RGS22: variants seen among roughly 807,000 people sequenced by gnomAD.
The protein encoded by RGS22 is regulator of G protein signaling 22.
RGS22 carries 148 observed loss-of-function variants against 172.9 expected under a neutral mutation model. The observed-to-expected ratio is 0.86, with a 90% CI of 0.75 to 0.98. The LOEUF (loss-of-function observed/expected upper bound fraction) is 0.98, where lower values mean the gene tolerates loss of function less well. Ranked by LOEUF, RGS22 falls within the 50% of genes least tolerant of loss-of-function variation. The probability of loss-of-function intolerance (pLI) is 0.00; values close to 1 mark genes in which losing one functional copy is unlikely to be tolerated. For synonymous variants in RGS22, 458 were observed against 480.2 expected, an observed-to-expected ratio of 0.95 and a Z score of 0.60; for missense variants, 1,347 against 1,440.8, an observed-to-expected ratio of 0.93 and a Z score of 1.05.
intron 10 of RGS22, among the ~76,000 whole-genome samples, chr8:100,051,800 T>C (rs1163335905): frequency 2.2e-5 from 1 of 45,536 alleles, no homozygotes; most frequent in Non-Finnish European, 3.9e-5. Context: ...AATATATATT[T>C]ATATATAAAT....
At chr8:100,047,004 C>T (rs1201399262) in intron 11 of RGS22, among the ~76,000 whole-genome samples, 3 of 151,966 alleles carry the variant, frequency 2.0e-5, no homozygotes, top group Non-Finnish European at 4.4e-5. Flanking sequence ...TTTGTAGAGA[C>T]ATGATCTCAG....
Position 99,962,389 on chromosome 8 carries a change from C to A in RGS22, c.*45+5G>T. 6.2e-7 allele frequency: 1 copy of A among 1,600,714 alleles called. No individual in the cohort carries two copies. ...GGACCAACCAACATTCAGACTATGA[C>A]GTACCTTGAACCTATCAGCAGCAGG... On this transcript the variant is annotated splice_donor_5th_base_variant and intron_variant, in intron 27 of 27. Transcript: ENST00000360863.
At chr8:99,989,456 T>A (rs79205270) in intron 20 of RGS22, among the ~76,000 whole-genome samples, 5 of 152,234 alleles carry the variant, frequency 3.3e-5, no homozygotes, top group African/African-American at 9.6e-5. Flanking sequence ...TTCAATTTGA[T>A]TTGATTTTTT....
intron 10 of RGS22, among the ~76,000 whole-genome samples, chr8:100,048,459 A>G (rs1217789057): frequency 6.6e-6 from 1 of 152,158 alleles, no homozygotes; most frequent in Non-Finnish European, 1.5e-5. Flanking sequence ...TCAAAAACAA[A>G]CATACAAAAC....
chr8:99,998,650 T>TATC (rs748185078), intron 19 of RGS22, among the ~76,000 whole-genome samples: 1 of 151,852 alleles, frequency 6.6e-6, no homozygotes, highest in African/African-American at 2.4e-5. Context: ...AAAAAAAAAT[T>TATC]ATTATTATTA....
intron 23 of RGS22, among the ~76,000 whole-genome samples, chr8:99,967,783 G>C (rs1810908937): frequency 6.6e-6 from 1 of 152,204 alleles, no homozygotes; most frequent in African/African-American, 2.4e-5. Context: ...GCACCTGGGG[G>C]ACGGGGTGGC....
At chr8:100,095,339 G>A (rs1250587681) in intron 2 of RGS22, among the ~76,000 whole-genome samples, 1 of 151,872 alleles carries the variant, frequency 6.6e-6, no homozygotes, top group Admixed American at 6.6e-5. Flanking sequence ...ACATGCCACC[G>A]TGCCCAGCTA....
intron 23 of RGS22, 80 bp from the exon 24 acceptor site, chr8:99,965,510 C>T: frequency 2.0e-6 from 2 of 989,120 alleles, no homozygotes; most frequent in Non-Finnish European, 1.5e-6. Context: ...GGAGTTATAA[C>T]ATCATATGAC....
Position 99,965,334 on chromosome 8 carries a change from C to T in RGS22, c.3615+1G>A. 6.2e-7 allele frequency: 1 copy of T among 1,608,796 alleles called. No individual in the cohort carries two copies. The highest frequency in any genetic ancestry group is 8.5e-7 in the Non-Finnish European group (1 of 1,175,368). The stretch of plus-strand genomic sequence containing the variant: ...AGGTCTGCACCATCTTGCATGCTTA[C>T]CTGTCGGCCATATGGTTGGAGGCCT... On this transcript the variant is annotated splice_donor_variant, in intron 24 of 27. Coordinates refer to ENST00000360863, the MANE Select transcript of RGS22 (RefSeq NM_015668.5). LOFTEE classifies it high-confidence loss of function.
intron 23 of RGS22, among the ~76,000 whole-genome samples, chr8:99,969,811 T>C (rs183691310): frequency 6.6e-6 from 1 of 152,260 alleles, no homozygotes; most frequent in East Asian, 1.9e-4. Context: ...CCTGTCAATA[T>C]TAGACAGATC....
chr8:100,073,000 G>C (rs148289334), intron 4 of RGS22, among the ~76,000 whole-genome samples: 84 of 152,236 alleles, frequency 5.5e-4, no homozygotes, highest in African/African-American at 1.9e-3. Context: ...TTTATCTTGA[G>C]GTTGTGAGAG....
At chr8:99,988,002 A>G (rs1588912424) in intron 20 of RGS22, among the ~76,000 whole-genome samples, 1 of 151,274 alleles carries the variant, frequency 6.6e-6, no homozygotes, top group East Asian at 1.9e-4. Context: ...TACATGTTAT[A>G]TATTAATATA....
At chr8:100,104,406 G>T (rs540453011) in intron 2 of RGS22, among the ~76,000 whole-genome samples, 19 of 151,138 alleles carry the variant, frequency 1.3e-4, no homozygotes, top group African/African-American at 3.9e-4. Flanking sequence ...ATGGCCAGAA[G>T]ATGGAAGGAA....
chr8:100,065,095 C>T (rs1043245454), intron 7 of RGS22, among the ~76,000 whole-genome samples: 7 of 152,202 alleles, frequency 4.6e-5, no homozygotes, highest in Admixed American at 6.5e-5. Context: ...TGTTGTCATC[C>T]ATGCCCCATT....
At chr8:100,001,157 G>A (rs1388307633) in intron 18 of RGS22, among the ~76,000 whole-genome samples, 1 of 144,566 alleles carries the variant, frequency 6.9e-6, no homozygotes, top group African/African-American at 2.6e-5. Context: ...CATATTTCAT[G>A]AGCAGTGTTA....
intron 24 of RGS22, among the ~76,000 whole-genome samples, chr8:99,964,069 T>TTC (rs72231344): frequency 5.3e-5 from 8 of 151,232 alleles, no homozygotes; most frequent in South Asian, 4.2e-4. Context: ...CATCATCCCT[T>TTC]TCTCTCTCTC....
rs113681130 is a variant in RGS22 at position 100,001,219 on chromosome 8, T to C, written c.2790+983A>G. Among the ~76,000 whole-genome samples, 174 of 132,950 alleles carry C rather than the reference T, an allele frequency of 1.3e-3. 2 individuals carry two copies. The highest frequency in any genetic ancestry group is 4.6e-3 in the African/African-American group (161 of 35,346). The allele number at this position is 132,950 out of a possible 152,430, so 87.2% of individuals were successfully genotyped here. ...CCAATTTTTTATATATATATATATATACATATATATATATACATTTTTTTT... is the reference window on the plus strand; with the variant it reads ...CCAATTTTTTATATATATATATATACACATATATATATATACATTTTTTTT... On this transcript the variant is annotated intron_variant, in intron 18 of 27. Transcript: ENST00000360863.
intron 13 of RGS22, among the ~76,000 whole-genome samples, chr8:100,039,595 C>T (rs1043751896): frequency 3.9e-5 from 6 of 151,928 alleles, no homozygotes; most frequent in African/African-American, 1.2e-4. Context: ...GGGCTGGTCT[C>T]GAACTCTTGA....
chr8:100,062,810 C>T (rs1810252561), intron 8 of RGS22, 58 bp from the exon 9 acceptor site: 4 of 1,311,172 alleles, frequency 3.1e-6, no homozygotes, highest in Non-Finnish European at 3.2e-6. Context: ...ATTCAACTAC[C>T]AAAATGTAGT....
Sources: gnomAD v4.1 joint callset for allele counts (sites outside exome capture counted in the v4.1 genomes callset) on GRCh38, gnomAD v4.1.1 for gene constraint, MANE v1.5 for transcripts, NCBI Gene and HGNC (gene_info 2026-07-23, HGNC 2026-07-21) for gene names.